The following CNIH3 variants were observed in gnomAD, a reference collection of about 807,000 sequenced individuals.
The protein encoded by CNIH3 is protein cornichon homolog 3.
CNIH3 carries 14 observed loss-of-function variants against 24.1 expected under a neutral mutation model. The observed-to-expected ratio is 0.58, with a 90% CI of 0.38 to 0.91. The LOEUF (loss-of-function observed/expected upper bound fraction) is 0.91, where lower values mean the gene tolerates loss of function less well. Among genes scored for constraint, CNIH3 ranks in the 40% least tolerant of loss-of-function variants. The pLI is 0.00. For synonymous variants in CNIH3, 68 were observed against 73.8 expected, an observed-to-expected ratio of 0.92 and a Z score of 0.40; for missense variants, 178 against 196.8, an observed-to-expected ratio of 0.90 and a Z score of 0.57.
At chr1:224,575,318 C>A in intron 4 of CNIH3, 2 of 1,030,334 alleles carry the variant, frequency 1.9e-6, no homozygotes, top group South Asian at 2.5e-5. Flanking sequence ...TCAGTTACAA[C>A]AGAACTGGAG....
chr1:224,495,769 T>C (rs2124857666), intron 1 of CNIH3, among the ~76,000 whole-genome samples: 1 of 152,088 alleles, frequency 6.6e-6, no homozygotes, highest in Non-Finnish European at 1.5e-5. Flanking sequence ...GGAGCAGCAG[T>C]CCATGTGCAA....
At chr1:224,701,564 A>G (rs1431092530) in intron 3 of CNIH3, among the ~76,000 whole-genome samples, 2 of 152,164 alleles carry the variant, frequency 1.3e-5, no homozygotes, top group Non-Finnish European at 2.9e-5. Flanking sequence ...CCATCACATT[A>G]GGGGGTAGCG....
intron 3 of CNIH3, chr1:224,565,446 C>T (rs944264199): frequency 1.3e-5 from 2 of 152,238 alleles, no homozygotes; most frequent in Admixed American, 6.5e-5. Flanking sequence ...GGGCCTGAAG[C>T]CATGGAGAGC....
intron 1 of CNIH3, among the ~76,000 whole-genome samples, chr1:224,438,474 G>A (rs1674761751): frequency 6.6e-6 from 1 of 152,170 alleles, no homozygotes; most frequent in East Asian, 1.9e-4. Context: ...TTTGTAACTA[G>A]TAGAGACTGT....
chr1:224,689,493 T>C (rs1458397382), intron 3 of CNIH3, among the ~76,000 whole-genome samples: 3 of 152,218 alleles, frequency 2.0e-5, no homozygotes, highest in Non-Finnish European at 4.4e-5. Flanking sequence ...CATCACACGG[T>C]GGGCCGGCCT....
At chr1:224,511,998 A>G (rs1256162793), upstream of CNIH3, among the ~76,000 whole-genome samples, 1 of 151,208 alleles carries the variant, frequency 6.6e-6, no homozygotes, top group Admixed American at 6.6e-5. Context: ...CAACATGGAG[A>G]AACCCCGTCT....
chr1:224,454,301 C>T (rs1304944688), intron 1 of CNIH3: 2 of 933,044 alleles, frequency 2.1e-6, no homozygotes, highest in Non-Finnish European at 2.5e-6. Context: ...GCTGTCCTTC[C>T]ACTCTATCAA....
intron 2 of CNIH3, among the ~76,000 whole-genome samples, chr1:224,545,169 G>A (rs1380148674): frequency 6.6e-6 from 1 of 152,208 alleles, no homozygotes; most frequent in Non-Finnish European, 1.5e-5. Flanking sequence ...TATCTCCTAT[G>A]TGTGCAGAAG....
intron 4 of CNIH3, among the ~76,000 whole-genome samples, chr1:224,582,564 G>A (rs1681322713): frequency 6.6e-6 from 1 of 152,186 alleles, no homozygotes; most frequent in African/African-American, 2.4e-5. Flanking sequence ...ACGTGTACAT[G>A]TAATGAAATG....
intron 3 of CNIH3, among the ~76,000 whole-genome samples, chr1:224,597,969 C>T (rs1038799453): frequency 1.3e-5 from 2 of 152,220 alleles, no homozygotes; most frequent in South Asian, 2.1e-4. Flanking sequence ...GGACACCCAG[C>T]GAGAGTCCAC....
chr1:224,484,428 TAA>T (rs546804957), intron 1 of CNIH3, among the ~76,000 whole-genome samples: 12 of 143,502 alleles, frequency 8.4e-5, no homozygotes, highest in African/African-American at 1.8e-4. Flanking sequence ...AGACTCTGTT[TAA>T]AAAAAAAAAA....
At chr1:224,718,171 C>T (rs543738491) in intron 3 of CNIH3, among the ~76,000 whole-genome samples, 4 of 151,932 alleles carry the variant, frequency 2.6e-5, no homozygotes, top group Admixed American at 6.6e-5. Context: ...ATGCTGAGAG[C>T]CATGGAAAAA....
Position 224,617,234 on chromosome 1 carries a change from C to T in CNIH3, c.60C>T (p.Leu20=), listed in dbSNP as rs373044474. 23 of 1,613,944 alleles carry T rather than the reference C, an allele frequency of 1.4e-5. No homozygotes were observed. The highest frequency in any genetic ancestry group is 3.3e-5 in the Admixed American group (2 of 59,990). ...TGTCTCTGGTGCTGTGCGCTGCGCT[C>T]ATCTTCTTCGCCATCTGGCACGTGA... ...YMLSLVLCAA[L]IFFAIWHIIA... The change falls in exon 1 of 6, where the codon CTC becomes CTT. Residue 20 remains leucine (L), a synonymous_variant. Coordinates refer to ENST00000272133, the MANE Select transcript of CNIH3 (RefSeq NM_152495.2).
chr1:224,631,741 C>T (rs1161690741), intron 1 of CNIH3, among the ~76,000 whole-genome samples: 1 of 152,138 alleles, frequency 6.6e-6, no homozygotes, highest in Non-Finnish European at 1.5e-5. Context: ...TTTGTGTTCG[C>T]ATGGTCCATT....
chr1:224,736,775 C>T (rs1689613302), intron 5 of CNIH3, among the ~76,000 whole-genome samples: 1 of 152,202 alleles, frequency 6.6e-6, no homozygotes, highest in South Asian at 2.1e-4. Flanking sequence ...GTGGGTTCAC[C>T]TAAGTCTTTC....
At chr1:224,465,042 C>G (rs763642838) in intron 1 of CNIH3, among the ~76,000 whole-genome samples, 19 of 152,114 alleles carry the variant, frequency 1.2e-4, no homozygotes, top group Non-Finnish European at 2.8e-4. Context: ...GACCCTCCCA[C>G]TTTAGCCACC....
At chr1:224,494,159 T>A (rs531209584) in intron 1 of CNIH3, among the ~76,000 whole-genome samples, 54 of 152,334 alleles carry the variant, frequency 3.5e-4, no homozygotes, top group African/African-American at 1.3e-3. Context: ...TCTGAATATT[T>A]TATCAGCAGT....
chr1:224,599,243 C>A (rs1682110915), intron 3 of CNIH3, among the ~76,000 whole-genome samples: 2 of 152,120 alleles, frequency 1.3e-5, no homozygotes, highest in South Asian at 4.1e-4. Context: ...CTGCACTTAC[C>A]TATGGGTTTG....
At chr1:224,674,013 C>G (rs186275791) in intron 1 of CNIH3, among the ~76,000 whole-genome samples, 8 of 152,162 alleles carry the variant, frequency 5.3e-5, no homozygotes, top group Admixed American at 4.6e-4. Flanking sequence ...GAACTGTATG[C>G]TAGGGGGAGA....
Sources: gnomAD v4.1 joint callset for allele counts (sites outside exome capture counted in the v4.1 genomes callset) on GRCh38, gnomAD v4.1.1 for gene constraint, MANE v1.5 for transcripts, NCBI Gene and HGNC (gene_info 2026-07-23, HGNC 2026-07-21) for gene names.